INSR: variants seen among roughly 807,000 people sequenced by gnomAD.
INSR encodes IR.
In INSR, 67 loss-of-function variants were observed where a neutral mutation model predicts 142.6. The ratio of observed to expected loss-of-function variants is 0.47; its 90% confidence interval spans 0.39 to 0.58. INSR has a LOEUF of 0.58. INSR is among the 20% of genes least tolerant of loss of function. The pLI, the probability that INSR is intolerant of heterozygous loss-of-function variation, is 0.00. For synonymous variants in INSR, 756 were observed against 743.1 expected, an observed-to-expected ratio of 1.02 and a Z score of -0.28; for missense variants, 1,248 against 1,833.2, an observed-to-expected ratio of 0.68 and a Z score of 5.83.
At chr19:7,139,619 T>TA (rs1186982212) in intron 13 of INSR, among the ~76,000 whole-genome samples, 1 of 152,042 alleles carries the variant, frequency 6.6e-6, no homozygotes, top group Non-Finnish European at 1.5e-5. Flanking sequence ...AAATGAATAT[T>TA]AAAAAAGGCA....
intron 1 of INSR, among the ~76,000 whole-genome samples, chr19:7,274,441 G>A (rs1386045597): frequency 1.3e-5 from 2 of 151,330 alleles, no homozygotes; most frequent in Admixed American, 6.6e-5. Flanking sequence ...TGACGCCTAC[G>A]AGATGTGGTG....
At chr19:7,198,185 G>A (rs1434250870) in intron 2 of INSR, among the ~76,000 whole-genome samples, 1 of 151,816 alleles carries the variant, frequency 6.6e-6, no homozygotes, top group Admixed American at 6.6e-5. Context: ...CGGGGAATCC[G>A]GCCCCGGCGG....
At chr19:7,213,216 C>A (rs1212241679) in intron 2 of INSR, among the ~76,000 whole-genome samples, 2 of 151,716 alleles carry the variant, frequency 1.3e-5, no homozygotes, top group Non-Finnish European at 2.9e-5. Flanking sequence ...TGGTGGAGCA[C>A]GTCTGTAGTC....
intron 9 of INSR, among the ~76,000 whole-genome samples, chr19:7,154,147 C>T (rs909511841): frequency 1.3e-5 from 2 of 151,552 alleles, no homozygotes; most frequent in Middle Eastern, 3.4e-3. Flanking sequence ...GGTGACAGAG[C>T]GAGACTCCGT....
intron 2 of INSR, among the ~76,000 whole-genome samples, chr19:7,201,417 G>A (rs982287095): frequency 6.6e-6 from 1 of 151,944 alleles, no homozygotes; most frequent in Non-Finnish European, 1.5e-5. Flanking sequence ...CTGAAGTCAG[G>A]AGTTCAAGAC....
intron 10 of INSR, 27 bp downstream of exon 10, chr19:7,152,699 T>C: frequency 1.3e-6 from 2 of 1,594,706 alleles, no homozygotes; most frequent in African/African-American, 1.3e-5. Context: ...TGGCACCCAC[T>C]AAGAGAGCCC....
intron 2 of INSR, among the ~76,000 whole-genome samples, chr19:7,229,007 ACGTCTGGG>A (rs1975870430): frequency 1.3e-5 from 2 of 149,272 alleles, no homozygotes; most frequent in African/African-American, 5.0e-5. Context: ...GGATGGATGG[ACGTCTGGG>A]TGGGTGGATG....
chr19:7,186,610 A>G (rs1473006445), intron 2 of INSR, among the ~76,000 whole-genome samples: 1 of 152,010 alleles, frequency 6.6e-6, no homozygotes, highest in Non-Finnish European at 1.5e-5. Flanking sequence ...TTCTCACCTT[A>G]ACCAAACTGA....
chr19:7,239,247 C>T (rs181551598), intron 2 of INSR, among the ~76,000 whole-genome samples: 1 of 152,250 alleles, frequency 6.6e-6, no homozygotes, highest in African/African-American at 2.4e-5. Context: ...CCCTTGTGCA[C>T]CTCTTTGTGA....
At chr19:7,217,545 C>T (rs553916332) in intron 2 of INSR, among the ~76,000 whole-genome samples, 2 of 152,112 alleles carry the variant, frequency 1.3e-5, no homozygotes, top group Admixed American at 6.6e-5. Flanking sequence ...TAGCAGTCAT[C>T]GAGTGATATC....
At chr19:7,246,716 C>G (rs1423389303) in intron 2 of INSR, among the ~76,000 whole-genome samples, 1 of 152,146 alleles carries the variant, frequency 6.6e-6, no homozygotes, top group Non-Finnish European at 1.5e-5. Flanking sequence ...GTTTGTTACA[C>G]AGCAAAACTA....
rs533388044 is a variant in INSR at position 7,187,898 on chromosome 19, T to C, written c.653-3261A>G. On this transcript the variant is annotated intron_variant, in intron 2 of 21. Coordinates refer to ENST00000302850, the MANE Select transcript of INSR (RefSeq NM_000208.4). ...AATTCCAATGTTTACTAGCCACAGA[T>C]GACTACCGTCTCCCAGACGAGACAG... is the stretch of plus-strand genomic sequence containing the variant. 2.6e-5 allele frequency among the ~76,000 whole-genome samples: 4 copies of C among 152,258 alleles called. No individual in the cohort carries two copies. The South Asian group carries it at 8.3e-4, about 32-fold the overall frequency.
chr19:7,152,852 TACTC>T lies in INSR; in HGVS notation c.2101_2104del (p.Glu701MetfsTer19). On this transcript the variant is annotated frameshift_variant, in exon 10 of 22. Transcript: ENST00000302850. LOFTEE classifies it high-confidence loss of function. ...GCAGCATTCGCCGGCCGAATCCTCA[TACTC>T]ACTCTGGTTGTGCTTCTGAGAATCT... The T allele has an allele frequency of 6.2e-7, 1 of 1,613,428 alleles. No homozygotes were observed.
At chr19:7,118,785 G>T (rs1391098474) in intron 21 of INSR, among the ~76,000 whole-genome samples, 1 of 150,700 alleles carries the variant, frequency 6.6e-6, no homozygotes, top group Admixed American at 6.6e-5. Context: ...CGCGGTGGTG[G>T]GTGCCTGTAG....
chr19:7,254,220 T>A (rs947135039), intron 2 of INSR, among the ~76,000 whole-genome samples: 13 of 151,448 alleles, frequency 8.6e-5, no homozygotes, highest in African/African-American at 3.2e-4. Flanking sequence ...AAGAAAAATT[T>A]AAAAAATAAA....
In INSR at chr19:7,142,957, C is replaced by A; in HGVS notation, c.2401G>T (p.Val801Leu). 1 of 1,614,152 alleles carries A rather than the reference C, an allele frequency of 6.2e-7. No individual in the cohort carries two copies. Among genetic ancestry groups the A allele is most frequent in the Non-Finnish European group, 8.5e-7 (1 of 1,180,020 alleles). The change falls in exon 12 of 22, where the codon GTG becomes TTG. Residue 801 changes from valine (V) to leucine (L), a missense_variant. Transcript: ENST00000302850. The stretch of plus-strand genomic sequence containing the variant: ...ATGACCAGCGACTCCTTGTTCACCA[C>A]CTTCTCAAAAGGCCTGTGCTCCTCC... ...SPEEHRPFEK[V>L]VNKESLVISG...
At chr19:7,155,836 C>G (rs925226855) in intron 9 of INSR, among the ~76,000 whole-genome samples, 2 of 151,300 alleles carry the variant, frequency 1.3e-5, no homozygotes, top group African/African-American at 4.9e-5. Flanking sequence ...ATTGCTTGAG[C>G]CTGGGAAGTC....
chr19:7,271,925 G>A (rs868321074), intron 1 of INSR, among the ~76,000 whole-genome samples: 2 of 151,910 alleles, frequency 1.3e-5, no homozygotes, highest in South Asian at 2.1e-4. Context: ...CAGGAGGATC[G>A]CTTGAGCCTA....
chr19:7,229,622 G>C (rs142788290), intron 2 of INSR, among the ~76,000 whole-genome samples: 2,440 of 152,248 alleles, frequency 0.016, 29 homozygotes, highest in Non-Finnish European at 0.023. Flanking sequence ...CTCTGGGTCT[G>C]TGTTTTCCTT....
Sources: allele counts gnomAD v4.1 joint callset (sites outside exome capture counted in the v4.1 genomes callset), GRCh38; gene constraint gnomAD v4.1.1; transcripts MANE v1.5; gene names NCBI Gene and HGNC (gene_info 2026-07-23, HGNC 2026-07-21).